Variants in SEPTIN7 observed in about 807,000 individuals in gnomAD.
The protein encoded by SEPTIN7 is septin-7.
A neutral mutation model predicts 63.3 loss-of-function variants in SEPTIN7; 10 were observed. The ratio of observed to expected loss-of-function variants is 0.16; its 90% CI spans 0.10 to 0.27. SEPTIN7 has a LOEUF of 0.27. Ranked by LOEUF, SEPTIN7 falls within the 10% of genes least tolerant of loss-of-function variation. The pLI is 1.00. For missense variants in SEPTIN7, 310 were observed against 521.0 expected, an observed-to-expected ratio of 0.59 and a Z score of 3.94; for synonymous variants, 131 against 165.3, an observed-to-expected ratio of 0.79 and a Z score of 1.59.
intron 8 of SEPTIN7, among the ~76,000 whole-genome samples, chr7:35,882,941 A>G (rs866596903): frequency 6.6e-6 from 1 of 152,106 alleles, no homozygotes; most frequent in African/African-American, 2.4e-5. Context: ...ATAAAAGCCA[A>G]CCAAAATTAC....
intron 8 of SEPTIN7, among the ~76,000 whole-genome samples, chr7:35,883,371 C>T (rs1787018102): frequency 6.6e-6 from 1 of 152,076 alleles, no homozygotes; most frequent in Admixed American, 6.6e-5. Context: ...TAAATAGCTG[C>T]TTAGGTATTT....
At chr7:35,901,786 T>C (rs1348948086) in intron 12 of SEPTIN7, 1 of 152,158 alleles carries the variant, frequency 6.6e-6, no homozygotes, top group African/African-American at 2.4e-5. Flanking sequence ...TTCCGAATTG[T>C]GTATATGTGA....
rs575972714 is a variant in SEPTIN7 at position 35,854,352 on chromosome 7, G to T, written c.170-9200G>T. ...GTGGTATCAGTGCTAGAGGATTTGG[G>T]GATTCAAATTTTGAAAAATGCCCCC... On this transcript the variant is annotated intron_variant, in intron 3 of 13. Coordinates refer to ENST00000350320, the MANE Select transcript of SEPTIN7 (RefSeq NM_001788.6). Among the ~76,000 whole-genome samples the T allele has an allele frequency of 3.3e-5, 5 of 152,266 alleles. No homozygotes were observed. The South Asian group carries it at 1.0e-3, about 32-fold the overall frequency.
chr7:35,810,419 G>A (rs752003342), intron 1 of SEPTIN7, among the ~76,000 whole-genome samples: 2 of 151,166 alleles, frequency 1.3e-5, no homozygotes, highest in Admixed American at 1.3e-4. Context: ...CGCCTCCCAC[G>A]TTAACGCCAT....
intron 1 of SEPTIN7, among the ~76,000 whole-genome samples, chr7:35,824,138 C>CTTT (rs757793627): frequency 5.8e-4 from 87 of 149,876 alleles, no homozygotes; most frequent in Non-Finnish European, 9.3e-4. Flanking sequence ...TTTTTTTCTG[C>CTTT]TTATTTATTT....
chr7:35,881,699 T>G (rs538366133), intron 7 of SEPTIN7, among the ~76,000 whole-genome samples: 2 of 151,870 alleles, frequency 1.3e-5, no homozygotes, highest in Non-Finnish European at 2.9e-5. Context: ...ACAGGGAAGC[T>G]AGGTTTAGGT....
chr7:35,898,098 T>C (rs1788063147), intron 11 of SEPTIN7, 150 bp from the exon 12 acceptor site: 1 of 532,296 alleles, frequency 1.9e-6, no homozygotes, highest in African/African-American at 1.9e-5. Flanking sequence ...TAATCAAGTT[T>C]TATATATGAA....
At chr7:35,828,894 G>C (rs1783659539) in intron 1 of SEPTIN7, among the ~76,000 whole-genome samples, 1 of 152,136 alleles carries the variant, frequency 6.6e-6, no homozygotes, top group Non-Finnish European at 1.5e-5. Flanking sequence ...CCAAAGTTTG[G>C]AATTACAAGC....
At chr7:35,860,114 C>CT (rs561134727) in intron 3 of SEPTIN7, among the ~76,000 whole-genome samples, 2,115 of 140,908 alleles carry the variant, frequency 0.015, 40 homozygotes, top group East Asian at 0.085. Flanking sequence ...ATTCCCTTCT[C>CT]TTTTTTTTTT....
chr7:35,807,047 T>C (rs2115660971), intron 1 of SEPTIN7, among the ~76,000 whole-genome samples: 1 of 152,346 alleles, frequency 6.6e-6, no homozygotes, highest in South Asian at 2.1e-4. Context: ...TTTGAAACTT[T>C]TGTAAACTTT....
At chr7:35,831,672 T>G in intron 2 of SEPTIN7, 176 bp downstream of exon 2, 1 of 243,158 alleles carries the variant, frequency 4.1e-6, no homozygotes, top group South Asian at 4.4e-5. Flanking sequence ...ATTAGTCTCC[T>G]AATTATTATG....
At chr7:35,909,340 G>A (rs779483773), downstream of SEPTIN7, among the ~76,000 whole-genome samples, 7 of 152,144 alleles carry the variant, frequency 4.6e-5, no homozygotes, top group Non-Finnish European at 8.8e-5. Context: ...CCTCATTAGT[G>A]CCTATTTAGA....
Position 35,802,307 on chromosome 7 carries a change from A to G in SEPTIN7, c.61+1037A>G, listed in dbSNP as rs759033891. 8.7e-5 allele frequency: 29 copies of G among 335,128 alleles called. 1 individual carries two copies. Among genetic ancestry groups the G allele is most frequent in the Non-Finnish European group, 1.5e-4 (25 of 161,928 alleles). The allele number at this position is 335,128 out of a possible 1,614,324, so 20.8% of individuals were successfully genotyped here. A position where few individuals can be genotyped will look rare whatever the true frequency, so the allele number is the denominator to read the frequency against. ...TAAGCAACCGAGATTTTTCTAGGACATTTCCATTTGCTGAGTTACTTTTGA... is the reference window on the plus strand; with the variant it reads ...TAAGCAACCGAGATTTTTCTAGGACGTTTCCATTTGCTGAGTTACTTTTGA... On this transcript the variant is annotated intron_variant, in intron 1 of 13. Transcript: ENST00000350320.
intron 6 of SEPTIN7, among the ~76,000 whole-genome samples, chr7:35,875,394 C>T (rs1786409883): frequency 6.6e-6 from 1 of 152,076 alleles, no homozygotes; most frequent in Non-Finnish European, 1.5e-5. Context: ...TATAGAGTTC[C>T]AGATATCCTG....
chr7:35,816,560 C>T (rs1404039434), intron 1 of SEPTIN7, among the ~76,000 whole-genome samples: 1 of 152,042 alleles, frequency 6.6e-6, no homozygotes, highest in African/African-American at 2.4e-5. Flanking sequence ...TTTGTGTGGA[C>T]CTATAGTTTT....
intron 1 of SEPTIN7, among the ~76,000 whole-genome samples, chr7:35,819,033 C>G (rs536610431): frequency 6.6e-6 from 1 of 151,860 alleles, no homozygotes; most frequent in South Asian, 2.1e-4. Flanking sequence ...TTTCTAGTTT[C>G]TTGAGATGGA....
chr7:35,829,702 G>A (rs1562530031), intron 1 of SEPTIN7, among the ~76,000 whole-genome samples: 1 of 152,088 alleles, frequency 6.6e-6, no homozygotes, highest in Admixed American at 6.6e-5. Context: ...TTCAATCTCT[G>A]CGTTGATGGA....
chr7:35,840,332 C>G (rs1784351194), intron 3 of SEPTIN7, among the ~76,000 whole-genome samples: 1 of 149,134 alleles, frequency 6.7e-6, no homozygotes, highest in South Asian at 2.2e-4. Context: ...AATCAGAGCT[C>G]CCTGCAGCCT....
rs1478348397 is a variant in SEPTIN7, at chr7:35,900,994, T to TATG, written c.1135-2079_1135-2077dup. On this transcript the variant is annotated intron_variant, in intron 12 of 13. Coordinates refer to ENST00000350320, the MANE Select transcript of SEPTIN7 (RefSeq NM_001788.6). ...TAATGAGTTTGCAAATCATCATGTA[T>TATG]ATGATACATGATATATATTGTGTAA... 1.4e-4 allele frequency: 21 copies of TATG among 152,306 alleles called. No homozygotes were observed. The East Asian group carries it at 2.9e-3, about 21-fold the overall frequency. The allele number at this position is 152,306 out of a possible 1,614,324, so 9.4% of individuals were successfully genotyped here. A position where few individuals can be genotyped will look rare whatever the true frequency, so the allele number is the denominator to read the frequency against.
Sources: gnomAD v4.1 joint callset for allele counts (sites outside exome capture counted in the v4.1 genomes callset) on GRCh38, gnomAD v4.1.1 for gene constraint, MANE v1.5 for transcripts, NCBI Gene and HGNC (gene_info 2026-07-23, HGNC 2026-07-21) for gene names.